The following PLEKHG7 variants were observed in gnomAD, a reference collection of about 807,000 sequenced individuals.
PLEKHG7 encodes the protein pleckstrin homology domain-containing family G member 7.
A neutral mutation model predicts 85.2 loss-of-function variants in PLEKHG7; 77 were observed. That is an observed-to-expected ratio of 0.90 (90% CI 0.75 to 1.09). The LOEUF (loss-of-function observed/expected upper bound fraction) is 1.09. Ranked by LOEUF, PLEKHG7 falls within the 50% of genes least tolerant of loss-of-function variation. The probability of loss-of-function intolerance (pLI) is 0.00; values close to 1 mark genes in which losing one functional copy is unlikely to be tolerated. For synonymous variants in PLEKHG7, 301 were observed against 302.4 expected, an observed-to-expected ratio of 1.00 and a Z score of 0.05; for missense variants, 777 against 804.3, an observed-to-expected ratio of 0.97 and a Z score of 0.41.
At chr12:92,766,664 G>A (rs1434469193) in intron 15 of PLEKHG7, among the ~76,000 whole-genome samples, 3 of 151,838 alleles carry the variant, frequency 2.0e-5, no homozygotes, top group East Asian at 3.9e-4. Flanking sequence ...TCAACGTGGT[G>A]AAAAAATACA....
intron 3 of PLEKHG7, among the ~76,000 whole-genome samples, chr12:92,723,874 A>G (rs1262367134): frequency 6.6e-6 from 1 of 152,130 alleles, no homozygotes; most frequent in Non-Finnish European, 1.5e-5. Context: ...GGGAATAGAA[A>G]ACCAGTTTAT....
rs1173233719 is a variant in PLEKHG7, at chr12:92,772,444, C to G, written c.*2249C>G. On this transcript the variant is annotated 3_prime_UTR_variant, in exon 17 of 17. Transcript: ENST00000344636. Reference sequence around the variant, plus strand: ...CTAATATTCTGTAAATAAATTAATGCAAAATGGTTAATACAGTGTTCTCTC... The same window carrying G: ...CTAATATTCTGTAAATAAATTAATGGAAAATGGTTAATACAGTGTTCTCTC... 1 of 151,612 alleles carries G rather than the reference C, an allele frequency of 6.6e-6. No homozygotes were observed. The highest frequency in any genetic ancestry group is 1.5e-5 in the Non-Finnish European group (1 of 67,736). 9.4% of individuals were successfully genotyped at this position (151,612 alleles called of 1,614,324 possible).
At chr12:92,756,652 G>T (rs1194750013) in intron 13 of PLEKHG7, among the ~76,000 whole-genome samples, 1 of 152,156 alleles carries the variant, frequency 6.6e-6, no homozygotes, top group African/African-American at 2.4e-5. Flanking sequence ...CAACATACAA[G>T]AACAACTTCG....
At position 92,707,699 on chromosome 12, in the gene PLEKHG7, G is replaced by A. The variant is rs199850557; in HGVS notation, c.530+27G>A. On this transcript the variant is annotated intron_variant, in intron 3 of 16. Coordinates refer to ENST00000344636, the MANE Select transcript of PLEKHG7 (RefSeq NM_001377329.1). ...TGTGTATGCATTTATTTTCTCCGGT[G>A]CTATGACATCTGTTGACTATTTACT... The A allele has an allele frequency of 2.4e-4, 381 of 1,613,748 alleles. 1 individual carries two copies. The highest frequency in any genetic ancestry group is 1.2e-4 in the Non-Finnish European group (142 of 1,179,900).
rs1872652148 is a variant in PLEKHG7, at chr12:92,750,115, A to T, written c.1252-3975A>T. ...CACCATCATGGCTCACTGCAGCCTC[A>T]ACCTCCCTTGCTCAAGCGACAGGAC... On this transcript the variant is annotated intron_variant, in intron 10 of 16. Coordinates refer to ENST00000344636, the MANE Select transcript of PLEKHG7 (RefSeq NM_001377329.1). 2.6e-5 allele frequency among the ~76,000 whole-genome samples: 4 copies of T among 151,212 alleles called. No homozygotes were observed. In the South Asian group the frequency reaches 8.4e-4, roughly 32 times the overall value.
In PLEKHG7 at chr12:92,770,447, G is replaced by A. The variant is rs986952345; in HGVS notation, c.*252G>A. 7 of 376,358 alleles carry A rather than the reference G, an allele frequency of 1.9e-5. No individual in the cohort carries two copies. The highest frequency in any genetic ancestry group is 3.3e-5 in the Non-Finnish European group (7 of 211,168). 23.3% of individuals were successfully genotyped at this position (376,358 alleles called of 1,614,324 possible). On this transcript the variant is annotated 3_prime_UTR_variant, in exon 17 of 17. Coordinates refer to ENST00000344636, the MANE Select transcript of PLEKHG7 (RefSeq NM_001377329.1). ...GATTACCTTCTAATGCTTCCGTCAG[G>A]TTTGTAAGAGGTGTGAGTGAAGAAA... is the stretch of plus-strand genomic sequence containing the variant.
rs537393959 is a variant in PLEKHG7, at chr12:92,769,110, T to C, written c.1968+30T>C. ...GTATTTTAATTTTGTAGGTCTTTGA[T>C]TCTTCAGAGTTTACATAAGCTCCCC... On this transcript the variant is annotated intron_variant, in intron 16 of 16. Transcript: ENST00000344636. 15 of 1,457,682 alleles carry C rather than the reference T, an allele frequency of 1.0e-5. No individual in the cohort carries two copies. The African/African-American group carries it at 1.4e-4, about 14-fold the overall frequency. 90.3% of individuals were successfully genotyped at this position (1,457,682 alleles called of 1,614,324 possible).
intron 3 of PLEKHG7, among the ~76,000 whole-genome samples, chr12:92,713,680 C>G (rs922666209): frequency 4.6e-5 from 7 of 152,134 alleles, no homozygotes; most frequent in African/African-American, 1.4e-4. Flanking sequence ...ATCTTCTGAC[C>G]CTCTCTACTG....
At chr12:92,710,580 C>T (rs1871350123) in intron 3 of PLEKHG7, among the ~76,000 whole-genome samples, 1 of 152,184 alleles carries the variant, frequency 6.6e-6, no homozygotes, top group African/African-American at 2.4e-5. Flanking sequence ...CAAACCTCTG[C>T]CCTTTTCATG....
At chr12:92,729,966 G>A (rs927517552) in intron 4 of PLEKHG7, among the ~76,000 whole-genome samples, 23 of 149,986 alleles carry the variant, frequency 1.5e-4, no homozygotes, top group African/African-American at 5.8e-4. Flanking sequence ...GACCCAGAAA[G>A]GAGAAGTGGC....
chr12:92,750,930 C>T (rs1356911512), intron 10 of PLEKHG7, among the ~76,000 whole-genome samples: 2 of 144,786 alleles, frequency 1.4e-5, no homozygotes, highest in Non-Finnish European at 3.0e-5. Context: ...CAAAGTCAGA[C>T]CTACCCTGTC....
rs770649549 is a variant in PLEKHG7 at position 92,755,877 on chromosome 12, T to A, written c.1479T>A (p.Tyr493Ter). ...TGGACAATTTCCAAAAATTTAGATA[T>A]CTACAGGAGATTATAGTGTGGCCAC... Reference protein sequence around the residue: ...KWLDNFQKFRYLQEIIVWPPL... With the variant: ...KWLDNFQKFR The change falls in exon 12 of 17, where the codon TAT becomes TAA. Residue 493 changes from tyrosine (Y) to a stop codon, truncating the protein, a stop_gained. Coordinates refer to ENST00000344636, the MANE Select transcript of PLEKHG7 (RefSeq NM_001377329.1). LOFTEE classifies it high-confidence loss of function. 3 of 1,613,716 alleles carry A rather than the reference T, an allele frequency of 1.9e-6. No homozygotes were observed. Among genetic ancestry groups the A allele is most frequent in the Non-Finnish European group, 2.5e-6 (3 of 1,179,842 alleles).
intron 5 of PLEKHG7, among the ~76,000 whole-genome samples, chr12:92,733,091 A>G (rs1271868656): frequency 6.6e-6 from 1 of 152,194 alleles, no homozygotes; most frequent in African/African-American, 2.4e-5. Flanking sequence ...CTATGGACAC[A>G]CACACCTTGC....
chr12:92,763,699 C>G (rs770583861), intron 14 of PLEKHG7, among the ~76,000 whole-genome samples: 5 of 151,872 alleles, frequency 3.3e-5, no homozygotes, highest in Non-Finnish European at 5.9e-5. Context: ...GCCTGTAGTC[C>G]CAGCTACTTG....
intron 9 of PLEKHG7, among the ~76,000 whole-genome samples, chr12:92,744,212 C>T (rs967453007): frequency 1.3e-5 from 2 of 152,152 alleles, no homozygotes; most frequent in Admixed American, 1.3e-4. Context: ...TCCAATTTCA[C>T]CACATTGGGA....
intron 9 of PLEKHG7, among the ~76,000 whole-genome samples, chr12:92,742,481 A>G (rs10745620): frequency 0.91 from 137,862 of 152,186 alleles, 62,688 homozygotes; most frequent in African/African-American, 0.97. Context: ...GAGAAGATAC[A>G]TGAAGAAGGA....
intron 3 of PLEKHG7, chr12:92,708,576 T>G (rs1178189676): frequency 6.6e-6 from 1 of 152,258 alleles, no homozygotes; most frequent in Non-Finnish European, 1.5e-5. Context: ...TATAAATCTC[T>G]GTGTTCCCTG....
In PLEKHG7 at chr12:92,754,281, AGT is replaced by A. The variant is rs1204880020; in HGVS notation, c.1426+19_1426+20del. 1 of 1,610,536 alleles carries A rather than the reference AGT, an allele frequency of 6.2e-7. No homozygotes were observed. Among genetic ancestry groups the A allele is most frequent in the Non-Finnish European group, 8.5e-7 (1 of 1,177,474 alleles). On this transcript the variant is annotated intron_variant, in intron 11 of 16. Transcript: ENST00000344636. ...AGTCCATCCGTAAGTCCCTGAGATA[AGT>A]GAGCTTAATTACAGAATTGTGGCCT...
In PLEKHG7 at chr12:92,761,607, AAAAGAAAGAAAGAAAGAAGAAAGAAAG is replaced by A. The variant is rs1404619632; in HGVS notation, c.1637-126_1637-100del. On this transcript the variant is annotated intron_variant, in intron 13 of 16. Transcript: ENST00000344636. ...AAGAGAGAATGAAAAGAAAGAAAGA[AAAAGAAAGAAAGAAAGAAGAAAGAAAG>A]AAAGAAAGAAAGAAAGAAAGAAAGA... 645 of 1,022,500 alleles carry A rather than the reference AAAAGAAAGAAAGAAAGAAGAAAGAAAG, an allele frequency of 6.3e-4. 4 individuals are homozygous for A. Among genetic ancestry groups the A allele is most frequent in the South Asian group, 2.3e-3 (117 of 50,654 alleles). 63.3% of individuals were successfully genotyped at this position (1,022,500 alleles called of 1,614,324 possible).
Sources: allele counts gnomAD v4.1 joint callset (sites outside exome capture counted in the v4.1 genomes callset), GRCh38; gene constraint gnomAD v4.1.1; transcripts MANE v1.5; gene names NCBI Gene and HGNC (gene_info 2026-07-23, HGNC 2026-07-21).